The following BMP5 variants were observed in gnomAD, a reference collection of about 807,000 sequenced individuals.
BMP5 encodes bone morphogenetic protein 5.
BMP5 carries 23 observed loss-of-function variants against 46.6 expected under a neutral mutation model. The ratio of observed to expected loss-of-function variants is 0.49; its 90% CI spans 0.35 to 0.70. BMP5 has a LOEUF of 0.70. BMP5 is among the 30% of genes least tolerant of loss of function. The pLI is 0.00. For missense variants in BMP5, 545 were observed against 565.6 expected (o/e 0.96, Z 0.37); for synonymous variants, 204 against 191.9 (o/e 1.06, Z -0.52).
At chr6:55,857,895 G>A (rs575019051) in intron 1 of BMP5, among the ~76,000 whole-genome samples, 1 of 151,770 alleles carries the variant, frequency 6.6e-6, no homozygotes, top group African/African-American at 2.4e-5. Context: ...GCGCCACCAG[G>A]CCTGGCTAAT....
intron 1 of BMP5, among the ~76,000 whole-genome samples, chr6:55,841,175 G>GA (rs1345311435): frequency 2.0e-5 from 3 of 152,182 alleles, no homozygotes; most frequent in African/African-American, 7.2e-5. Context: ...TGCATCCATG[G>GA]AAAAATTGTC....
intron 3 of BMP5, among the ~76,000 whole-genome samples, chr6:55,778,259 G>C (rs1019520331): frequency 6.6e-6 from 1 of 151,914 alleles, no homozygotes; most frequent in African/African-American, 2.4e-5. Flanking sequence ...GTGGTAATAG[G>C]AGGTAAAAAG....
At chr6:55,844,307 A>G (rs1365478505) in intron 1 of BMP5, among the ~76,000 whole-genome samples, 1 of 152,042 alleles carries the variant, frequency 6.6e-6, no homozygotes, top group African/African-American at 2.4e-5. Context: ...TTTTATTTGG[A>G]TAATCAAATA....
At chr6:55,864,734 T>C (rs904859786) in intron 1 of BMP5, among the ~76,000 whole-genome samples, 5 of 152,106 alleles carry the variant, frequency 3.3e-5, no homozygotes, top group African/African-American at 9.7e-5. Context: ...ATATCAAAAA[T>C]CAATGTGATG....
chr6:55,769,822 C>G (rs1448088939), intron 4 of BMP5, among the ~76,000 whole-genome samples: 2 of 151,926 alleles, frequency 1.3e-5, no homozygotes, highest in Middle Eastern at 3.2e-3. Flanking sequence ...AACAATTAGT[C>G]TACTCGTATA....
intron 2 of BMP5, among the ~76,000 whole-genome samples, chr6:55,796,804 G>T (rs958443565): frequency 5.3e-5 from 8 of 152,032 alleles, no homozygotes; most frequent in African/African-American, 1.9e-4. Context: ...TATATATTTA[G>T]AAAAAGCATC....
intron 1 of BMP5, among the ~76,000 whole-genome samples, chr6:55,828,510 T>C (rs1380624707): frequency 6.6e-6 from 1 of 151,850 alleles, no homozygotes; most frequent in Non-Finnish European, 1.5e-5. Flanking sequence ...CCATTTTACA[T>C]ATGATGTCAA....
At chr6:55,804,632 G>A (rs1410049986) in intron 2 of BMP5, among the ~76,000 whole-genome samples, 1 of 152,138 alleles carries the variant, frequency 6.6e-6, no homozygotes, top group Non-Finnish European at 1.5e-5. Flanking sequence ...AAAAGTATAA[G>A]ATCTGGTAAA....
At position 55,763,868 on chromosome 6, in the gene BMP5, T is replaced by C. The variant is rs961116783; in HGVS notation, c.1028-3335A>G. On this transcript the variant is annotated intron_variant, in intron 4 of 6. Transcript: ENST00000370830. ...TTTCTTTATGGTCAATTTCTAGATA[T>C]TGTATAAATTTAATCTTTAGTTCGA... 2.6e-5 allele frequency among the ~76,000 whole-genome samples: 4 copies of C among 152,220 alleles called. No individual in the cohort carries two copies. The East Asian group carries it at 7.7e-4, about 29-fold the overall frequency.
intron 1 of BMP5, among the ~76,000 whole-genome samples, chr6:55,823,293 A>T (rs1471215246): frequency 1.3e-5 from 2 of 152,128 alleles, no homozygotes; most frequent in African/African-American, 2.4e-5. Context: ...AAGGAATTTG[A>T]TCACCAAAAA....
At chr6:55,786,959 T>G (rs573831536) in intron 3 of BMP5, among the ~76,000 whole-genome samples, 1 of 151,700 alleles carries the variant, frequency 6.6e-6, no homozygotes, top group Admixed American at 6.6e-5. Context: ...GTTTAAAAGA[T>G]CCTCAGATAA....
intron 1 of BMP5, among the ~76,000 whole-genome samples, chr6:55,872,056 T>C (rs1487203724): frequency 1.3e-5 from 2 of 151,854 alleles, no homozygotes; most frequent in Non-Finnish European, 3.0e-5. Context: ...ATAATGTTAT[T>C]ACACTTTCAC....
At chr6:55,772,627 T>A (rs2127520557) in intron 4 of BMP5, 1 of 487,208 alleles carries the variant, frequency 2.1e-6, no homozygotes, top group Middle Eastern at 1.0e-3. Context: ...TAATTACAGC[T>A]TTTTGCCAAA....
chr6:55,815,860 A>G (rs1402831634), intron 2 of BMP5, among the ~76,000 whole-genome samples: 1 of 152,116 alleles, frequency 6.6e-6, no homozygotes. Context: ...CTTTATTTTT[A>G]TCATTTTTGT....
At position 55,839,998 on chromosome 6, in the gene BMP5, T is replaced by G. The variant is rs575985928; in HGVS notation, c.491-20151A>C. 2.6e-5 allele frequency among the ~76,000 whole-genome samples: 4 copies of G among 152,258 alleles called. No homozygotes were observed. In the South Asian group the frequency reaches 8.3e-4, roughly 32 times the overall value. ...AATATTTTGTCTGAAGCTCTGACTT[T>G]ACTTTTCTTAATGGTGTCTTATAAA... On this transcript the variant is annotated intron_variant, in intron 1 of 6. Transcript: ENST00000370830.
At chr6:55,819,256 A>G (rs1475161482) in intron 2 of BMP5, among the ~76,000 whole-genome samples, 1 of 152,192 alleles carries the variant, frequency 6.6e-6, no homozygotes, top group Non-Finnish European at 1.5e-5. Context: ...TTTTACACTC[A>G]TGTCAGTGAA....
intron 1 of BMP5, among the ~76,000 whole-genome samples, chr6:55,855,970 C>T (rs944750490): frequency 1.1e-4 from 16 of 152,134 alleles, no homozygotes; most frequent in African/African-American, 3.9e-4. Flanking sequence ...TTGACAAATG[C>T]AGAATCGGTG....
intron 4 of BMP5, among the ~76,000 whole-genome samples, chr6:55,768,615 C>T (rs772561496): frequency 6.6e-6 from 1 of 151,802 alleles, no homozygotes; most frequent in Non-Finnish European, 1.5e-5. Flanking sequence ...CACCTGTATA[C>T]CAAAGACTTG....
At chr6:55,798,069 T>C (rs983600301) in intron 2 of BMP5, among the ~76,000 whole-genome samples, 2 of 152,328 alleles carry the variant, frequency 1.3e-5, no homozygotes, top group Non-Finnish European at 2.9e-5. Context: ...TCTCCTTGGC[T>C]TGTAGACTGT....
Sources: allele counts gnomAD v4.1 joint callset (sites outside exome capture counted in the v4.1 genomes callset), GRCh38; gene constraint gnomAD v4.1.1; transcripts MANE v1.5; gene names NCBI Gene and HGNC (gene_info 2026-07-23, HGNC 2026-07-21).